DLGAP2: variants seen among roughly 807,000 people sequenced by gnomAD.
The protein encoded by DLGAP2 is DLG associated protein 2.
In DLGAP2, 26 loss-of-function variants were observed where a neutral mutation model predicts 100.3. That is an observed-to-expected ratio of 0.26 (90% confidence interval 0.19 to 0.36). The LOEUF (loss-of-function observed/expected upper bound fraction) is 0.36. Ranked by LOEUF, DLGAP2 falls within the 10% of genes least tolerant of loss-of-function variation. The pLI, the probability that DLGAP2 is intolerant of heterozygous loss-of-function variation, is 1.00. For synonymous variants in DLGAP2, 886 were observed against 630.1 expected (o/e 1.41, Z -6.08); for missense variants, 1,858 against 1,453.2 (o/e 1.28, Z -4.53).
chr8:1,151,576 G>A (rs901586758), intron 2 of DLGAP2, among the ~76,000 whole-genome samples: 2 of 152,192 alleles, frequency 1.3e-5, no homozygotes, highest in Non-Finnish European at 2.9e-5. Context: ...TTTGCCTGGT[G>A]AGGGAGGTGA....
chr8:1,089,025 C>G (rs1274309412), intron 2 of DLGAP2, among the ~76,000 whole-genome samples: 1 of 133,864 alleles, frequency 7.5e-6, no homozygotes, highest in South Asian at 2.6e-4. Flanking sequence ...CTCTCCACCC[C>G]TCATCCAGCA....
At chr8:1,686,143 C>T (rs1162466565) in intron 12 of DLGAP2, among the ~76,000 whole-genome samples, 1 of 152,126 alleles carries the variant, frequency 6.6e-6, no homozygotes, top group Non-Finnish European at 1.5e-5. Context: ...CAGCATTATT[C>T]ATGTTAGCCA....
intron 3 of DLGAP2, 145 bp from the exon 4 acceptor site, chr8:1,501,221 G>T: frequency 1.2e-6 from 1 of 821,690 alleles, no homozygotes; most frequent in Non-Finnish European, 1.9e-6. Context: ...AAAATGCTGG[G>T]CTCTGAGCGG....
chr8:936,144 C>G (rs1799065353), intron 2 of DLGAP2, among the ~76,000 whole-genome samples: 1 of 152,096 alleles, frequency 6.6e-6, no homozygotes, highest in Non-Finnish European at 1.5e-5. Flanking sequence ...GTCGCTGAGT[C>G]ACAGTCGGTT....
chr8:1,595,148 C>G (rs984467658), intron 6 of DLGAP2, among the ~76,000 whole-genome samples: 2 of 152,094 alleles, frequency 1.3e-5, no homozygotes, highest in Non-Finnish European at 2.9e-5. Context: ...GCAAGCGATT[C>G]TCCCACCTCA....
At chr8:1,639,818 G>C (rs1237081191) in intron 8 of DLGAP2, among the ~76,000 whole-genome samples, 1 of 152,196 alleles carries the variant, frequency 6.6e-6, no homozygotes, top group Non-Finnish European at 1.5e-5. Context: ...GCTCCAGCCT[G>C]GGCCTCCATT....
intron 2 of DLGAP2, among the ~76,000 whole-genome samples, chr8:1,001,292 T>G (rs1396263237): frequency 1.3e-5 from 2 of 152,208 alleles, no homozygotes; most frequent in Non-Finnish European, 2.9e-5. Flanking sequence ...CCTGAGAACT[T>G]GACATCATTT....
chr8:1,116,416 C>G (rs1040442205), intron 2 of DLGAP2, among the ~76,000 whole-genome samples: 4 of 152,304 alleles, frequency 2.6e-5, no homozygotes, highest in East Asian at 1.9e-4. Context: ...GCTAGATAAC[C>G]TTACAAGAGG....
intron 2 of DLGAP2, among the ~76,000 whole-genome samples, chr8:922,635 C>G (rs537803799): frequency 6.2e-4 from 94 of 152,280 alleles, no homozygotes; most frequent in African/African-American, 2.2e-3. Context: ...TATTTGCAAC[C>G]ATGAACCATA....
intron 2 of DLGAP2, among the ~76,000 whole-genome samples, chr8:1,202,999 C>G (rs1490168407): frequency 6.6e-6 from 1 of 152,164 alleles, no homozygotes; most frequent in Admixed American, 6.5e-5. Flanking sequence ...TTGCAGAGTT[C>G]TCCTCGCCAC....
At chr8:926,348 A>G (rs532090401) in intron 2 of DLGAP2, among the ~76,000 whole-genome samples, 17 of 151,418 alleles carry the variant, frequency 1.1e-4, no homozygotes, top group South Asian at 6.3e-4. Context: ...CGTGTTGGCC[A>G]CCCCCCTCAC....
intron 2 of DLGAP2, among the ~76,000 whole-genome samples, chr8:1,080,626 G>C (rs953103496): frequency 6.6e-6 from 1 of 152,218 alleles, no homozygotes; most frequent in Non-Finnish European, 1.5e-5. Flanking sequence ...AGGCGGAACA[G>C]GGACCTGGGC....
At chr8:1,419,066 C>T (rs539768519) in intron 3 of DLGAP2, among the ~76,000 whole-genome samples, 42 of 152,356 alleles carry the variant, frequency 2.8e-4, no homozygotes, top group Admixed American at 5.9e-4. Context: ...CTCTGGGCAC[C>T]GCCTCCCTGT....
chr8:898,399 G>C (rs535307499), intron 1 of DLGAP2, among the ~76,000 whole-genome samples: 1 of 152,174 alleles, frequency 6.6e-6, no homozygotes, highest in African/African-American at 2.4e-5. Flanking sequence ...CCTGGAAGGC[G>C]GTCATTGGCC....
chr8:1,098,795 C>A (rs1804484696), intron 2 of DLGAP2, among the ~76,000 whole-genome samples: 1 of 131,464 alleles, frequency 7.6e-6, no homozygotes, highest in East Asian at 2.4e-4. Context: ...CGGCCGCCCA[C>A]GGACGCCGCC....
At chr8:1,418,427 TG>T (rs1796996374) in intron 3 of DLGAP2, among the ~76,000 whole-genome samples, 1 of 152,210 alleles carries the variant, frequency 6.6e-6, no homozygotes, top group Non-Finnish European at 1.5e-5. Flanking sequence ...TTTAAAAAGA[TG>T]ATTATTTCTG....
chr8:1,088,405 G>T (rs932145363), intron 2 of DLGAP2, among the ~76,000 whole-genome samples: 10 of 152,080 alleles, frequency 6.6e-5, no homozygotes, highest in Non-Finnish European at 2.9e-5. Flanking sequence ...CCTCATCTGC[G>T]TGCTGTTGGC....
intron 3 of DLGAP2, among the ~76,000 whole-genome samples, chr8:1,475,627 A>G (rs1798909567): frequency 6.6e-6 from 1 of 152,172 alleles, no homozygotes; most frequent in African/African-American, 2.4e-5. Context: ...CCCATAATTC[A>G]GGAACATTGC....
rs1322512215 is a variant in DLGAP2, at chr8:1,589,864, A to AC, written c.1442+23974dup. On this transcript the variant is annotated intron_variant, in intron 6 of 14. Transcript: ENST00000637795. ...TAGAAGCTTTCTGAGGTCACTTCTG[A>AC]CCCCGCAACACCATTTACATTTGGG... 2.0e-5 allele frequency among the ~76,000 whole-genome samples: 3 copies of AC among 152,022 alleles called. No homozygotes were observed. The East Asian group carries it at 5.8e-4, about 29-fold the overall frequency.
Sources: gnomAD v4.1 joint callset for allele counts (sites outside exome capture counted in the v4.1 genomes callset) on GRCh38, gnomAD v4.1.1 for gene constraint, MANE v1.5 for transcripts, NCBI Gene and HGNC (gene_info 2026-07-23, HGNC 2026-07-21) for gene names.